Variants in CAST observed in about 807,000 individuals in gnomAD.
CAST encodes MIR583 host.
In CAST, 76 loss-of-function variants were observed where a neutral mutation model predicts 119.6. That is an observed-to-expected ratio of 0.64 (90% CI 0.53 to 0.77). CAST has a LOEUF of 0.77. Among genes scored for constraint, CAST ranks in the 30% least tolerant of loss-of-function variants. CAST has a pLI of 0.00. For synonymous variants in CAST, 319 were observed against 331.6 expected, an observed-to-expected ratio of 0.96 and a Z score of 0.41; for missense variants, 953 against 946.5, an observed-to-expected ratio of 1.01 and a Z score of -0.09.
the CAST span, among the ~76,000 whole-genome samples, chr5:95,985,945 T>C: frequency 2.0e-5 from 3 of 152,178 alleles, no homozygotes; most frequent in Non-Finnish European, 4.4e-5. Context: ...TTCTTACTGC[T>C]CTCTTTGGGT....
At chr5:96,024,956 T>G in the CAST span, among the ~76,000 whole-genome samples, 1 of 152,202 alleles carries the variant, frequency 6.6e-6, no homozygotes, top group African/African-American at 2.4e-5. Context: ...CTAGGTCATA[T>G]TTTTGTTAAT....
chr5:96,594,519 A>C (rs947557676), intron 1 of CAST, among the ~76,000 whole-genome samples: 1 of 152,242 alleles, frequency 6.6e-6, no homozygotes, highest in Non-Finnish European at 1.5e-5. Flanking sequence ...GTAGAATATA[A>C]AGATGGATGA....
chr5:96,440,362 T>A, the CAST span, among the ~76,000 whole-genome samples: 2 of 152,146 alleles, frequency 1.3e-5, no homozygotes, highest in African/African-American at 2.4e-5. Context: ...TGTAGACTTG[T>A]ACCTCTACTG....
chr5:96,474,503 A>G, the CAST span, among the ~76,000 whole-genome samples: 1,317 of 152,302 alleles, frequency 8.6e-3, 24 homozygotes, highest in African/African-American at 0.031. Flanking sequence ...AATATTTGGC[A>G]TTTATTACTT....
intron 24 of CAST, among the ~76,000 whole-genome samples, chr5:96,759,302 C>T (rs1428390535): frequency 6.6e-6 from 1 of 152,142 alleles, no homozygotes; most frequent in African/African-American, 2.4e-5. Flanking sequence ...ACGTACCATG[C>T]TCTTTGATAT....
rs140336356 is a variant in CAST, at chr5:96,577,932, A to G, written c.60+48052A>G. Among the ~76,000 whole-genome samples, 771 of 152,276 alleles carry G rather than the reference A, an allele frequency of 5.1e-3. 13 individuals are homozygous for G. Among genetic ancestry groups the G allele is most frequent in the African/African-American group, 0.018 (735 of 41,564 alleles). Reference sequence around the variant, plus strand: ...TATATATATTTTTTGACATTAATATATATGTCATTAGATCCTGTTTGTGTA... The same window carrying G: ...TATATATATTTTTTGACATTAATATGTATGTCATTAGATCCTGTTTGTGTA... On this transcript the variant is annotated intron_variant, in intron 1 of 11. Transcript: ENST00000505143.
chr5:96,186,166 T>C, the CAST span, among the ~76,000 whole-genome samples: 34 of 152,206 alleles, frequency 2.2e-4, no homozygotes, highest in Non-Finnish European at 8.8e-5. Flanking sequence ...GTTGTTGGTG[T>C]ATAGGAATGT....
At chr5:95,987,674 T>C in the CAST span, among the ~76,000 whole-genome samples, 52,287 of 152,026 alleles carry the variant, frequency 0.34, 11,191 homozygotes, top group African/African-American at 0.61. Context: ...CTCTGAGCCT[T>C]AGTTTCTCTA....
chr5:96,329,724 G>T, the CAST span, among the ~76,000 whole-genome samples: 1 of 152,206 alleles, frequency 6.6e-6, no homozygotes, highest in Admixed American at 6.5e-5. Flanking sequence ...AAATGGTGCT[G>T]ATGACCCAGA....
intron 1 of CAST, among the ~76,000 whole-genome samples, chr5:96,592,851 G>T (rs750859574): frequency 1.3e-5 from 2 of 151,388 alleles, no homozygotes; most frequent in Non-Finnish European, 2.9e-5. Flanking sequence ...TGCAAGCTCC[G>T]CCTCCTGGGT....
the CAST span, among the ~76,000 whole-genome samples, chr5:96,363,585 C>A: frequency 6.6e-6 from 1 of 152,058 alleles, no homozygotes; most frequent in Non-Finnish European, 1.5e-5. Context: ...GTATTTTATT[C>A]TCTTTGAAGC....
chr5:96,189,560 A>G, the CAST span, among the ~76,000 whole-genome samples: 1 of 152,042 alleles, frequency 6.6e-6, no homozygotes, highest in Non-Finnish European at 1.5e-5. Flanking sequence ...CCTTTTTGCA[A>G]AAAAGTAATT....
the CAST span, among the ~76,000 whole-genome samples, chr5:96,266,545 C>T: frequency 6.6e-6 from 1 of 152,176 alleles, no homozygotes; most frequent in Non-Finnish European, 1.5e-5. Context: ...GTTCATTCTA[C>T]AGGTCCCCTG....
intron 1 of CAST, among the ~76,000 whole-genome samples, chr5:96,534,879 GAAAA>G (rs1021510758): frequency 3.2e-5 from 4 of 124,054 alleles, no homozygotes; most frequent in Admixed American, 8.6e-5. Context: ...GAGAAAGAAA[GAAAA>G]GAAAGAAAGA....
At chr5:96,704,714 T>C (rs912790426) in intron 3 of CAST, among the ~76,000 whole-genome samples, 1 of 152,228 alleles carries the variant, frequency 6.6e-6, no homozygotes, top group Non-Finnish European at 1.5e-5. Flanking sequence ...TGTTTTAGCA[T>C]TGGTGTGTCT....
At chr5:96,358,196 TTG>T in the CAST span, among the ~76,000 whole-genome samples, 1 of 152,168 alleles carries the variant, frequency 6.6e-6, no homozygotes, top group Admixed American at 6.5e-5. Flanking sequence ...TCATTTTTTA[TTG>T]TGTCTATTTA....
At chr5:96,352,108 G>A in the CAST span, among the ~76,000 whole-genome samples, 1 of 152,104 alleles carries the variant, frequency 6.6e-6, no homozygotes, top group African/African-American at 2.4e-5. Flanking sequence ...GCCAAAGACT[G>A]GCTGGAACTC....
At chr5:96,072,233 C>G in the CAST span, among the ~76,000 whole-genome samples, 1 of 152,056 alleles carries the variant, frequency 6.6e-6, no homozygotes, top group South Asian at 2.1e-4. Flanking sequence ...AGGCCTGACC[C>G]TCGTGGTTGT....
the CAST span, among the ~76,000 whole-genome samples, chr5:96,143,030 C>T: frequency 2.2e-4 from 33 of 152,300 alleles, no homozygotes; most frequent in African/African-American, 7.5e-4. Flanking sequence ...AAAATCACTC[C>T]ACGTTACAAT....
Sources: gnomAD v4.1 joint callset for allele counts (sites outside exome capture counted in the v4.1 genomes callset) on GRCh38, gnomAD v4.1.1 for gene constraint, MANE v1.5 for transcripts, NCBI Gene and HGNC (gene_info 2026-07-23, HGNC 2026-07-21) for gene names.